Variants in SIL1 observed in about 807,000 individuals in gnomAD.
SIL1 encodes the protein nucleotide exchange factor SIL1.
Under a neutral mutation model 49.1 loss-of-function variants are expected in SIL1, and 40 were observed. The observed-to-expected ratio is 0.81, with a 90% CI of 0.63 to 1.06. The LOEUF is 1.06. Ranked by LOEUF, SIL1 falls within the 50% of genes least tolerant of loss-of-function variation. SIL1 has a pLI of 0.00. For missense variants in SIL1, 500 were observed against 572.6 expected, an observed-to-expected ratio of 0.87 and a Z score of 1.29; for synonymous variants, 253 against 250.8, an observed-to-expected ratio of 1.01 and a Z score of -0.08.
intron 7 of SIL1, among the ~76,000 whole-genome samples, chr5:139,004,721 T>C (rs1438678730): frequency 6.6e-6 from 1 of 152,116 alleles, no homozygotes; most frequent in African/African-American, 2.4e-5. Flanking sequence ...CATTAATGAA[T>C]GAATGGATAA....
intron 1 of SIL1, chr5:139,133,299 G>A (rs904025203): frequency 6.6e-6 from 1 of 152,214 alleles, no homozygotes; most frequent in Non-Finnish European, 1.5e-5. Context: ...TTTGTAGGCT[G>A]TACCTCTGCT....
At chr5:139,145,383 T>C (rs1311320673) in intron 1 of SIL1, among the ~76,000 whole-genome samples, 2 of 152,178 alleles carry the variant, frequency 1.3e-5, no homozygotes, top group Non-Finnish European at 2.9e-5. Context: ...GGTGGGAGTA[T>C]AAAATGTTGC....
At chr5:139,022,840 C>T (rs1362850957) in intron 6 of SIL1, among the ~76,000 whole-genome samples, 3 of 152,148 alleles carry the variant, frequency 2.0e-5, no homozygotes, top group African/African-American at 7.2e-5. Flanking sequence ...GACATAAGCA[C>T]CTTCCTTCCT....
intron 3 of SIL1, among the ~76,000 whole-genome samples, chr5:139,067,644 A>C (rs1023824608): frequency 3.9e-5 from 6 of 152,364 alleles, no homozygotes; most frequent in Non-Finnish European, 8.8e-5. Context: ...CTTAGAGAAA[A>C]CTGTAAATCA....
At chr5:139,097,334 A>G (rs770871497) in intron 3 of SIL1, among the ~76,000 whole-genome samples, 21 of 152,196 alleles carry the variant, frequency 1.4e-4, no homozygotes, top group Non-Finnish European at 2.4e-4. Context: ...TGCTCATTGT[A>G]GAACCCCAGG....
At chr5:139,169,667 G>C (rs970780136) in intron 1 of SIL1, among the ~76,000 whole-genome samples, 10 of 152,042 alleles carry the variant, frequency 6.6e-5, no homozygotes, top group Admixed American at 6.5e-4. Flanking sequence ...ATTTTTAGTA[G>C]AGATGGGGTT....
intron 1 of SIL1, among the ~76,000 whole-genome samples, chr5:139,172,028 T>C (rs1751782180): frequency 6.6e-6 from 1 of 152,092 alleles, no homozygotes; most frequent in East Asian, 1.9e-4. Flanking sequence ...CTGAGAACAC[T>C]TGGAGACTGG....
At chr5:139,027,404 T>G (rs1442512483) in intron 5 of SIL1, among the ~76,000 whole-genome samples, 1 of 152,194 alleles carries the variant, frequency 6.6e-6, no homozygotes, top group East Asian at 1.9e-4. Flanking sequence ...TCATAGACTA[T>G]CTTGGCCTTG....
chr5:139,154,482 C>T (rs1009730388), intron 1 of SIL1, among the ~76,000 whole-genome samples: 2 of 152,224 alleles, frequency 1.3e-5, no homozygotes, highest in Non-Finnish European at 2.9e-5. Context: ...GTGCTGAGCA[C>T]CCCTGTGAGC....
Position 139,014,982 on chromosome 5 carries a change from C to A in SIL1, c.767+6189G>T, listed in dbSNP as rs183964828. Among the ~76,000 whole-genome samples the A allele has an allele frequency of 1.4e-3, 208 of 152,306 alleles. 2 individuals carry two copies. The highest frequency in any genetic ancestry group is 4.2e-3 in the African/African-American group (174 of 41,566). On this transcript the variant is annotated intron_variant, in intron 7 of 9. Transcript: ENST00000394817. ...CCTTCAGCCAGTGGGGCTATACACT[C>A]ATTTCCATGGCCTTAGATTTTAAAG...
chr5:139,045,836 G>A (rs965098401), intron 4 of SIL1, among the ~76,000 whole-genome samples: 1 of 152,088 alleles, frequency 6.6e-6, no homozygotes, highest in Non-Finnish European at 1.5e-5. Flanking sequence ...CCTCTACACT[G>A]AAATCATAAG....
intron 3 of SIL1, among the ~76,000 whole-genome samples, chr5:139,093,029 T>C (rs1308751868): frequency 1.3e-5 from 2 of 152,196 alleles, no homozygotes. Context: ...GGTGTGCCCC[T>C]ATAGTCCTAG....
intron 7 of SIL1, among the ~76,000 whole-genome samples, chr5:139,018,700 G>T (rs1034334231): frequency 2.7e-5 from 4 of 150,898 alleles, no homozygotes; most frequent in Non-Finnish European, 5.9e-5. Context: ...AGAAAGAAAA[G>T]AAATAAGAAT....
chr5:139,186,838 T>C (rs1378897075), intron 1 of SIL1, among the ~76,000 whole-genome samples: 1 of 152,178 alleles, frequency 6.6e-6, no homozygotes, highest in Non-Finnish European at 1.5e-5. Context: ...TCTAGGAAGT[T>C]CTAATCCAAT....
intron 1 of SIL1, among the ~76,000 whole-genome samples, chr5:139,188,255 G>A (rs1752110003): frequency 6.6e-6 from 1 of 152,126 alleles, no homozygotes; most frequent in South Asian, 2.1e-4. Flanking sequence ...ATAAGAGGGC[G>A]CTTCTGTAAT....
chr5:139,050,883 A>G (rs183067183), intron 4 of SIL1, 55 bp downstream of exon 4: 1 of 1,397,700 alleles, frequency 7.2e-7, no homozygotes, highest in African/African-American at 1.4e-5. Context: ...TAAGTATTAC[A>G]ATACAAAATC....
chr5:139,138,861 C>A (rs1315113736), intron 1 of SIL1, among the ~76,000 whole-genome samples: 1 of 152,242 alleles, frequency 6.6e-6, no homozygotes, highest in African/African-American at 2.4e-5. Flanking sequence ...CCAAGCCCCT[C>A]TTTGGAGACT....
rs1768745595 is a variant in SIL1 at position 139,029,800 on chromosome 5, A to AT, written c.454-2809_454-2808insA. On this transcript the variant is annotated intron_variant, in intron 5 of 9. Coordinates refer to ENST00000394817, the MANE Select transcript of SIL1 (RefSeq NM_022464.5). ...AGATGTGGGCCACCATACCCAGCCAAGTTTTTAGTTTTCTGTAAAAACTAA... is the reference window on the plus strand; with the variant it reads ...AGATGTGGGCCACCATACCCAGCCAATGTTTTTAGTTTTCTGTAAAAACTAA... Among the ~76,000 whole-genome samples the AT allele has an allele frequency of 2.0e-5, 3 of 151,416 alleles. No individual in the cohort carries two copies. The South Asian group carries it at 6.3e-4, about 32-fold the overall frequency.
intron 7 of SIL1, among the ~76,000 whole-genome samples, chr5:138,963,816 C>T (rs1455327940): frequency 6.6e-6 from 1 of 152,250 alleles, no homozygotes. Flanking sequence ...ATGGCCTCCT[C>T]AGCTAGCTGC....
Sources: allele counts gnomAD v4.1 joint callset (sites outside exome capture counted in the v4.1 genomes callset), GRCh38; gene constraint gnomAD v4.1.1; transcripts MANE v1.5; gene names NCBI Gene and HGNC (gene_info 2026-07-23, HGNC 2026-07-21).